Variants in C12orf50 observed in about 807,000 individuals in gnomAD.
The protein encoded by C12orf50 is uncharacterized protein C12orf50.
C12orf50 carries 35 observed loss-of-function variants against 61.6 expected under a neutral mutation model. The observed-to-expected ratio is 0.57, with a 90% CI of 0.43 to 0.75. The LOEUF (loss-of-function observed/expected upper bound fraction) is 0.75. C12orf50 is among the 30% of genes least tolerant of loss of function. C12orf50 has a pLI of 0.00. For missense variants in C12orf50, 475 were observed against 488.5 expected (o/e 0.97, Z 0.26); for synonymous variants, 178 against 161.5 (o/e 1.10, Z -0.77).
At chr12:87,997,932 T>C (rs1293016134) in intron 4 of C12orf50, 103 bp downstream of exon 4, 8 of 791,418 alleles carry the variant, frequency 1.0e-5, no homozygotes, top group Middle Eastern at 6.4e-4. Context: ...CTCAGCAAAA[T>C]CTGCCTTATA....
At chr12:87,997,979 TA>T in intron 4 of C12orf50, 55 bp downstream of exon 4, 2 of 1,428,218 alleles carry the variant, frequency 1.4e-6, no homozygotes, top group Non-Finnish European at 1.9e-6. Context: ...AACACATATG[TA>T]AAAAATGTGA....
At chr12:87,984,742 T>C (rs992884839) in intron 11 of C12orf50, 5 of 152,224 alleles carry the variant, frequency 3.3e-5, no homozygotes, top group Non-Finnish European at 7.3e-5. Flanking sequence ...TTCTCTTGTG[T>C]TGACATTTGC....
At chr12:87,980,386 T>G (rs1305731150) in intron 12 of C12orf50, 30 bp from the exon 13 acceptor site, 13 of 1,573,858 alleles carry the variant, frequency 8.3e-6, no homozygotes, top group Non-Finnish European at 1.0e-5. Flanking sequence ...AATATTTCAA[T>G]TATTTTCTTG....
At chr12:88,021,753 A>G (rs2032524987) in intron 3 of C12orf50, among the ~76,000 whole-genome samples, 1 of 152,316 alleles carries the variant, frequency 6.6e-6, no homozygotes, top group African/African-American at 2.4e-5. Flanking sequence ...AGAAATGAAT[A>G]TATTCCTAAA....
chr12:87,997,761 A>G (rs2031474674), intron 4 of C12orf50, among the ~76,000 whole-genome samples: 1 of 152,192 alleles, frequency 6.6e-6, no homozygotes, highest in Admixed American at 6.6e-5. Context: ...TTATGACTGC[A>G]TAGTATTCCA....
rs180812114 is a variant in C12orf50, at chr12:88,001,486, G to A, written c.134-3296C>T. ...GTTTGGTCTGCAGTTTTCGTCTGAT[G>A]TCTTAGAACATCTCATAGACATGAG... On this transcript the variant is annotated intron_variant, in intron 3 of 12. Transcript: ENST00000298699. Among the ~76,000 whole-genome samples, 375 of 149,558 alleles carry A rather than the reference G, an allele frequency of 2.5e-3. 2 individuals carry two copies. Among genetic ancestry groups the A allele is most frequent in the African/African-American group, 8.3e-3 (342 of 40,996 alleles).
intron 3 of C12orf50, among the ~76,000 whole-genome samples, chr12:87,999,381 TGCCACTGCACTCTA>T (rs2031556819): frequency 6.6e-6 from 1 of 152,146 alleles, no homozygotes; most frequent in South Asian, 2.1e-4. Flanking sequence ...GCCGAGATCA[TGCCACTGCACTCTA>T]GCCTCAGCAA....
rs757615675 is a variant in C12orf50, at chr12:87,986,020, C to T, written c.956G>A (p.Ser319Asn). 11 of 1,613,656 alleles carry T rather than the reference C, an allele frequency of 6.8e-6. No individual in the cohort carries two copies. The highest frequency in any genetic ancestry group is 9.3e-6 in the Non-Finnish European group (11 of 1,179,810). ...VQAPRPQNKM[S>N]YHRNNKNRNA... is the part of the protein sequence containing the mutation. ...TCGATTTTTATTATTGCGGTGATAA[C>T]TCATTTTATTTTGGGGTCTTGGGGC... is the stretch of plus-strand genomic sequence containing the variant. Residue 319 changes from serine (S) to asparagine (N), a missense_variant, in exon 11 of 13, where the codon AGT becomes AAT. By Grantham distance (46) the Ser-to-Asn change is conservative. Transcript: ENST00000298699.
chr12:88,024,493 C>T (rs913770799), intron 3 of C12orf50, among the ~76,000 whole-genome samples: 3 of 152,150 alleles, frequency 2.0e-5, no homozygotes, highest in Non-Finnish European at 4.4e-5. Flanking sequence ...ATTGATGGAG[C>T]TGGAGGCCAT....
Position 88,022,229 on chromosome 12 carries a change from A to G in C12orf50, c.133+4259T>C, listed in dbSNP as rs141457631. Among the ~76,000 whole-genome samples, 57 of 152,130 alleles carry G rather than the reference A, an allele frequency of 3.7e-4. 1 individual carries two copies. Among genetic ancestry groups the G allele is most frequent in the African/African-American group, 1.4e-3 (57 of 41,506 alleles). ...AAATGTGACTGACTACATAAACAGAACTAAAAGTAAAAACCATATTGAGAT... is the reference window on the plus strand; with the variant it reads ...AAATGTGACTGACTACATAAACAGAGCTAAAAGTAAAAACCATATTGAGAT... On this transcript the variant is annotated intron_variant, in intron 3 of 12. Transcript: ENST00000298699.
chr12:88,022,294 A>T (rs1029918270), intron 3 of C12orf50, among the ~76,000 whole-genome samples: 1 of 152,158 alleles, frequency 6.6e-6, no homozygotes, highest in African/African-American at 2.4e-5. Context: ...TTTTAATAAA[A>T]TTCAACATCC....
intron 8 of C12orf50, 28 bp from the exon 9 acceptor site, chr12:87,987,994 T>G (rs753976466): frequency 1.4e-6 from 2 of 1,446,014 alleles, no homozygotes; most frequent in Non-Finnish European, 1.9e-6. Flanking sequence ...GAAAATAAAA[T>G]GTCAATATTA....
intron 12 of C12orf50, among the ~76,000 whole-genome samples, chr12:87,982,737 A>G (rs1428477255): frequency 6.6e-6 from 1 of 151,962 alleles, no homozygotes; most frequent in Non-Finnish European, 1.5e-5. Flanking sequence ...TATGGTAGAT[A>G]TAGTAAAGCT....
intron 3 of C12orf50, among the ~76,000 whole-genome samples, chr12:88,005,911 G>GT (rs1491516748): frequency 4.4e-4 from 48 of 110,022 alleles, no homozygotes; most frequent in African/African-American, 1.8e-3. Flanking sequence ...TTGTTTTTTT[G>GT]GTTTTTTTTT....
chr12:88,025,786 T>C (rs193037040), intron 3 of C12orf50, among the ~76,000 whole-genome samples: 17 of 152,176 alleles, frequency 1.1e-4, no homozygotes, highest in Admixed American at 1.1e-3. Context: ...TCAGAGAAAC[T>C]TGGTGGCCAT....
intron 7 of C12orf50, among the ~76,000 whole-genome samples, chr12:87,993,028 T>C (rs1192362438): frequency 2.0e-5 from 3 of 152,156 alleles, no homozygotes; most frequent in South Asian, 4.1e-4. Context: ...GAGAACATTA[T>C]GATGCCTGGA....
intron 7 of C12orf50, among the ~76,000 whole-genome samples, chr12:87,989,631 G>C (rs1486935264): frequency 1.3e-5 from 2 of 152,008 alleles, no homozygotes; most frequent in African/African-American, 2.4e-5. Flanking sequence ...TTTCCTTAAT[G>C]TATAATAATC....
chr12:88,018,064 A>C (rs559254320), intron 3 of C12orf50, among the ~76,000 whole-genome samples: 22 of 152,334 alleles, frequency 1.4e-4, no homozygotes, highest in African/African-American at 5.3e-4. Flanking sequence ...CAATAAGCCG[A>C]ATGTTAATCC....
At chr12:88,001,154 G>C (rs543221929) in intron 3 of C12orf50, among the ~76,000 whole-genome samples, 1 of 151,714 alleles carries the variant, frequency 6.6e-6, no homozygotes, top group Admixed American at 6.6e-5. Flanking sequence ...TTCTTTATCA[G>C]GTTGAAGAAG....
Sources: allele counts gnomAD v4.1 joint callset (sites outside exome capture counted in the v4.1 genomes callset), GRCh38; gene constraint gnomAD v4.1.1; transcripts MANE v1.5; gene names NCBI Gene and HGNC (gene_info 2026-07-23, HGNC 2026-07-21).